Variants in GDAP2 observed in about 807,000 individuals in gnomAD.
The protein encoded by GDAP2 is ganglioside-induced differentiation-associated protein 2.
A neutral mutation model predicts 67.0 loss-of-function variants in GDAP2; 51 were observed. The observed-to-expected ratio is 0.76, with a 90% CI of 0.61 to 0.96. The LOEUF (loss-of-function observed/expected upper bound fraction) is 0.96, where lower values mean the gene tolerates loss of function less well. Among genes scored for constraint, GDAP2 ranks in the 40% least tolerant of loss-of-function variants. The probability of loss-of-function intolerance (pLI) is 0.00; values close to 1 mark genes in which losing one functional copy is unlikely to be tolerated. For synonymous variants in GDAP2, 203 were observed against 207.3 expected (o/e 0.98, Z 0.18); for missense variants, 547 against 588.3 (o/e 0.93, Z 0.73).
chr1:117,871,281 A>G (rs1648248341), intron 13 of GDAP2, among the ~76,000 whole-genome samples: 1 of 152,226 alleles, frequency 6.6e-6, no homozygotes, highest in Non-Finnish European at 1.5e-5. Flanking sequence ...ATGTAAGGGT[A>G]ACAAATTAGT....
chr1:117,878,130 G>T lies in GDAP2; in HGVS notation c.1325C>A (p.Thr442Asn). ...GTCCTTCAGTCCTGAGACAGAAAAGGTGGTAAAAAACCATGTTGACACCTG... is the reference window on the plus strand; with the variant it reads ...GTCCTTCAGTCCTGAGACAGAAAAGTTGGTAAAAAACCATGTTGACACCTG... ...RSKVSTWFFT[T>N]FSVSGLKDKI... The change falls in exon 13 of 14, where the codon ACC (threonine) becomes AAC (asparagine). Residue 442 changes from threonine to asparagine, a missense_variant. Coordinates refer to ENST00000369443, the MANE Select transcript of GDAP2 (RefSeq NM_017686.4). 1.3e-6 allele frequency: 2 copies of T among 1,596,486 alleles called. No homozygotes were observed. The highest frequency in any genetic ancestry group is 1.7e-6 in the Non-Finnish European group (2 of 1,169,566).
chr1:117,897,016 G>C, intron 7 of GDAP2, 27 bp from the exon 8 acceptor site: 3 of 1,527,598 alleles, frequency 2.0e-6, no homozygotes, highest in Non-Finnish European at 2.7e-6. Flanking sequence ...ACTATCAATA[G>C]AGAGCTTATG....
Position 117,881,873 on chromosome 1 carries a change from T to G in GDAP2, c.1252A>C (p.Lys418Gln), listed in dbSNP as rs1648658320. The G allele has an allele frequency of 6.4e-7, 1 of 1,556,242 alleles. No homozygotes were observed. The highest frequency in any genetic ancestry group is 8.9e-7 in the Non-Finnish European group (1 of 1,127,538). ...KLYDVVDVKY[K>Q]RNLKAVYFVH... is the part of the protein sequence containing the mutation. Reference sequence around the variant, plus strand: ...AAATAAACAGCCTTCAAATTCCTCTTGTACCTGATCCAAAAATAAAATGAC... The same window carrying G: ...AAATAAACAGCCTTCAAATTCCTCTGGTACCTGATCCAAAAATAAAATGAC... Residue 418 changes from lysine to glutamine, a missense_variant, in exon 12 of 14, where the codon AAG becomes CAG. Transcript: ENST00000369443.
At chr1:117,884,572 A>G (rs2101124761) in intron 10 of GDAP2, among the ~76,000 whole-genome samples, 1 of 152,252 alleles carries the variant, frequency 6.6e-6, no homozygotes, top group East Asian at 1.9e-4. Context: ...CTTTCCATTC[A>G]TTACCTGCTT....
Position 117,896,875 on chromosome 1 carries a change from C to T in GDAP2, c.911G>A (p.Gly304Glu). 6.2e-7 allele frequency: 1 copy of T among 1,613,280 alleles called. No individual in the cohort carries two copies. The highest frequency in any genetic ancestry group is 1.1e-5 in the South Asian group (1 of 90,980). ...CTGCAGAGCTGCCTCTGATAATTGT[C>T]CCTGAAGGATCAGTTTTCTTTGCTT... is the stretch of plus-strand genomic sequence containing the variant. ...IDKQRKLILQ[G>E]QLSEAALQKQ... Residue 304 changes from glycine to glutamate, a missense_variant, in exon 8 of 14, where the codon GGA becomes GAA. Gly to Glu is a moderately conservative substitution (Grantham distance 98). Coordinates refer to ENST00000369443, the MANE Select transcript of GDAP2 (RefSeq NM_017686.4).
chr1:117,891,384 A>G (rs1649079571), intron 8 of GDAP2, among the ~76,000 whole-genome samples: 1 of 151,990 alleles, frequency 6.6e-6, no homozygotes. Flanking sequence ...GCACCAAATT[A>G]TACTTCTATA....
chr1:117,874,334 C>T (rs1648385641), intron 13 of GDAP2, among the ~76,000 whole-genome samples: 1 of 152,136 alleles, frequency 6.6e-6, no homozygotes, highest in South Asian at 2.1e-4. Flanking sequence ...TTAAAAAGGG[C>T]CTGGCATGCC....
At chr1:117,885,678 A>T (rs1369164028) in intron 10 of GDAP2, among the ~76,000 whole-genome samples, 3 of 152,168 alleles carry the variant, frequency 2.0e-5, no homozygotes, top group Non-Finnish European at 4.4e-5. Flanking sequence ...GAGTTTGAGG[A>T]CTTAGCCAGA....
intron 3 of GDAP2, among the ~76,000 whole-genome samples, chr1:117,914,211 G>T (rs1649966162): frequency 6.6e-6 from 1 of 152,054 alleles, no homozygotes; most frequent in Non-Finnish European, 1.5e-5. Context: ...ACTAAAAGGG[G>T]AGACTAAACA....
rs1358003309 is a variant in GDAP2, at chr1:117,912,636, C to A, written c.364G>T (p.Ala122Ser). 1.9e-6 allele frequency: 3 copies of A among 1,613,344 alleles called. No homozygotes were observed. The highest frequency in any genetic ancestry group is 2.5e-6 in the Non-Finnish European group (3 of 1,179,486). ...CCCACTGTGTGAATGATGAACCGGG[C>A]AGCTAGATTGAATCCTTTTGTCAAT... ...AKLTKGFNLAARFIIHTVGPK... is the reference protein window; with the variant it reads ...AKLTKGFNLASRFIIHTVGPK... The change falls in exon 4 of 14, where the codon GCC (alanine) becomes TCC (serine). Residue 122 changes from alanine to serine, a missense_variant. Physicochemically the swap from Ala to Ser is moderately conservative, Grantham distance 99 (BLOSUM62 1). Coordinates refer to ENST00000369443, the MANE Select transcript of GDAP2 (RefSeq NM_017686.4).
At chr1:117,880,282 A>G (rs1648608858) in intron 12 of GDAP2, among the ~76,000 whole-genome samples, 1 of 152,168 alleles carries the variant, frequency 6.6e-6, no homozygotes, top group South Asian at 2.1e-4. Flanking sequence ...AGTTTCAAAG[A>G]AGCCAAGACA....
chr1:117,895,865 A>G lies in GDAP2; in HGVS notation c.953+968T>C, dbSNP rs182842543. On this transcript the variant is annotated intron_variant, in intron 8 of 13. Coordinates refer to ENST00000369443, the MANE Select transcript of GDAP2 (RefSeq NM_017686.4). ...TGGAGACAGATAGCATGCAGACATC[A>G]TTACAATACAGCGTGAAAAATGCTA... Among the ~76,000 whole-genome samples, 40 of 152,320 alleles carry G rather than the reference A, an allele frequency of 2.6e-4. No individual in the cohort carries two copies. The East Asian group carries it at 3.7e-3, about 14-fold the overall frequency.
At chr1:117,922,488 A>G (rs1650289191) in intron 1 of GDAP2, among the ~76,000 whole-genome samples, 2 of 152,238 alleles carry the variant, frequency 1.3e-5, no homozygotes, top group African/African-American at 4.8e-5. Flanking sequence ...CGATAATTCA[A>G]TATTATTTCA....
chr1:117,929,252 C>A (rs1373701458), intron 1 of GDAP2, among the ~76,000 whole-genome samples, 196 bp downstream of exon 1: 2 of 152,214 alleles, frequency 1.3e-5, no homozygotes, highest in Non-Finnish European at 2.9e-5. Flanking sequence ...CTCGTAGAGA[C>A]GGCGTCCCCG....
Position 117,912,058 on chromosome 1 carries a change from G to T in GDAP2, c.495C>A (p.Gly165=). ...LAKEQSMSSV[G]FCVINSAKRG... is the part of the protein sequence containing the mutation. Reference sequence around the variant, plus strand: ...GTTTTGCAGAATTGATGACACAGAAGCCAACAGAAGACATTGACTGCTCTC... The same window carrying T: ...GTTTTGCAGAATTGATGACACAGAATCCAACAGAAGACATTGACTGCTCTC... The change falls in exon 5 of 14, where the codon GGC becomes GGA. Residue 165 remains glycine (G), a synonymous_variant. Transcript: ENST00000369443. 1 of 1,609,352 alleles carries T rather than the reference G, an allele frequency of 6.2e-7. No homozygotes were observed. The highest frequency in any genetic ancestry group is 8.5e-7 in the Non-Finnish European group (1 of 1,175,836).
At chr1:117,887,626 G>A (rs1439694973) in intron 9 of GDAP2, 72 bp downstream of exon 9, 8 of 819,252 alleles carry the variant, frequency 9.8e-6, no homozygotes, top group Non-Finnish European at 1.7e-5. Context: ...AGAGAAAAAT[G>A]AATTCTCAAA....
chr1:117,916,496 G>T (rs1449283032), intron 3 of GDAP2, among the ~76,000 whole-genome samples: 1 of 152,138 alleles, frequency 6.6e-6, no homozygotes. Context: ...AACAATAAGG[G>T]GTTTACACTT....
chr1:117,893,031 C>T (rs990648132), intron 8 of GDAP2, among the ~76,000 whole-genome samples: 2 of 152,064 alleles, frequency 1.3e-5, no homozygotes, highest in African/African-American at 2.4e-5. Context: ...TCCATGCAGG[C>T]GGGTGCTGTA....
Position 117,878,144 on chromosome 1 carries a change from T to C in GDAP2, c.1311A>G (p.Thr437=). 2 of 1,556,290 alleles carry C rather than the reference T, an allele frequency of 1.3e-6. No homozygotes were observed. Among genetic ancestry groups the C allele is most frequent in the Non-Finnish European group, 8.8e-7 (1 of 1,138,226 alleles). The part of the protein sequence containing the change: ...VHPTFRSKVS[T]WFFTTFSVSG... ...AGACAGAAAAGGTGGTAAAAAACCA[T>C]GTTGACACCTGATTAATAGAAGAGA... Residue 437 remains threonine (T), a synonymous_variant, in exon 13 of 14, where the codon ACA becomes ACG. Transcript: ENST00000369443.
Sources: allele counts gnomAD v4.1 joint callset (sites outside exome capture counted in the v4.1 genomes callset), GRCh38; gene constraint gnomAD v4.1.1; transcripts MANE v1.5; gene names NCBI Gene and HGNC (gene_info 2026-07-23, HGNC 2026-07-21).